NUDT3: variants seen among roughly 807,000 people sequenced by gnomAD.
NUDT3 encodes diphosphoinositol polyphosphate phosphohydrolase 1.
NUDT3 carries 9 observed loss-of-function variants against 23.6 expected under a neutral mutation model. The ratio of observed to expected loss-of-function variants is 0.38; its 90% confidence interval spans 0.23 to 0.66. The LOEUF is 0.66. Among genes scored for constraint, NUDT3 ranks in the 30% least tolerant of loss-of-function variants. NUDT3 has a pLI of 0.52. For synonymous variants in NUDT3, 86 were observed against 82.6 expected (o/e 1.04, Z -0.22); for missense variants, 172 against 218.5 (o/e 0.79, Z 1.34).
intron 1 of NUDT3, among the ~76,000 whole-genome samples, chr6:34,363,779 T>C (rs1272641005): frequency 6.6e-6 from 1 of 150,800 alleles, no homozygotes; most frequent in African/African-American, 2.4e-5. Context: ...TTTCTTTTTC[T>C]TCTTTTTTTT....
In NUDT3 at chr6:34,378,396, G is replaced by A. The variant is rs1189717430; in HGVS notation, c.99+13868C>T. Among the ~76,000 whole-genome samples, 6 of 152,136 alleles carry A rather than the reference G, an allele frequency of 3.9e-5. No individual in the cohort carries two copies. In the East Asian group the frequency reaches 1.2e-3, roughly 29 times the overall value. On this transcript the variant is annotated intron_variant, in intron 1 of 4. Coordinates refer to ENST00000607016, the MANE Select transcript of NUDT3 (RefSeq NM_006703.4). Reference sequence around the variant, plus strand: ...AAAACTTCTGACTCAACATGTATACGTTTCTTCTGGTGCACTGGATTAGTT... The same window carrying A: ...AAAACTTCTGACTCAACATGTATACATTTCTTCTGGTGCACTGGATTAGTT...
chr6:34,300,907 T>C (rs3798554), intron 2 of NUDT3, among the ~76,000 whole-genome samples: 18,150 of 152,262 alleles, frequency 0.12, 1,152 homozygotes, highest in Middle Eastern at 0.14. Flanking sequence ...TGGTGTTTAT[T>C]ATTCTCTTGC....
At chr6:34,297,374 G>A (rs1431318036) in intron 2 of NUDT3, among the ~76,000 whole-genome samples, 1 of 151,926 alleles carries the variant, frequency 6.6e-6, no homozygotes, top group Non-Finnish European at 1.5e-5. Flanking sequence ...AAGCTGCCAG[G>A]CCAGCCTGGG....
chr6:34,382,746 G>A (rs1025569661), intron 1 of NUDT3, among the ~76,000 whole-genome samples: 9 of 151,818 alleles, frequency 5.9e-5, no homozygotes, highest in South Asian at 2.1e-4. Flanking sequence ...AAGGAGGATC[G>A]CTTGAGCTCA....
chr6:34,288,638 C>A lies in NUDT3; in HGVS notation c.*115G>T, dbSNP rs528958960. The A allele has an allele frequency of 2.2e-5, 30 of 1,379,390 alleles. No individual in the cohort carries two copies. The African/African-American group carries it at 2.3e-4, about 11-fold the overall frequency. The allele number at this position is 1,379,390 out of a possible 1,614,324, so 85.4% of individuals were successfully genotyped here. A position where few individuals can be genotyped will look rare whatever the true frequency, so the allele number is the denominator to read the frequency against. On this transcript the variant is annotated 3_prime_UTR_variant, in exon 5 of 5. Coordinates refer to ENST00000607016, the MANE Select transcript of NUDT3 (RefSeq NM_006703.4). Reference sequence around the variant, plus strand: ...CAATACACCCTTTCTTTGCTGCCCACCATGCCTTATTTGAAAGAGGAGGCC... The same window carrying A: ...CAATACACCCTTTCTTTGCTGCCCAACATGCCTTATTTGAAAGAGGAGGCC...
intron 2 of NUDT3, among the ~76,000 whole-genome samples, chr6:34,319,947 A>C (rs1456487316): frequency 6.6e-6 from 1 of 152,134 alleles, no homozygotes; most frequent in African/African-American, 2.4e-5. Context: ...AAGACTGTTA[A>C]CTCCAAAAGG....
At chr6:34,293,820 T>C (rs1763459521) in intron 3 of NUDT3, among the ~76,000 whole-genome samples, 1 of 152,028 alleles carries the variant, frequency 6.6e-6, no homozygotes, top group South Asian at 2.1e-4. Flanking sequence ...GAAAAAGGCA[T>C]CATGTAAATT....
intron 2 of NUDT3, among the ~76,000 whole-genome samples, chr6:34,313,718 T>G (rs1209164805): frequency 6.6e-6 from 1 of 151,342 alleles, no homozygotes; most frequent in African/African-American, 2.4e-5. Flanking sequence ...ATTCCAACAC[T>G]TTGGGAGGCT....
chr6:34,294,913 C>T (rs1379966821), intron 3 of NUDT3, among the ~76,000 whole-genome samples: 1 of 152,098 alleles, frequency 6.6e-6, no homozygotes, highest in Non-Finnish European at 1.5e-5. Flanking sequence ...AGGTGTGAGC[C>T]ACCACGCCCA....
intron 1 of NUDT3, among the ~76,000 whole-genome samples, chr6:34,390,273 G>A (rs762480110): frequency 9.9e-5 from 15 of 151,374 alleles, no homozygotes; most frequent in African/African-American, 3.1e-4. Flanking sequence ...CAGCCTGGGC[G>A]ACATAGCAAG....
intron 1 of NUDT3, among the ~76,000 whole-genome samples, chr6:34,378,495 T>G (rs568251529): frequency 6.6e-6 from 1 of 152,222 alleles, no homozygotes; most frequent in Non-Finnish European, 1.5e-5. Flanking sequence ...AAAGCCTGGC[T>G]GTCTGAAGCC....
intron 1 of NUDT3, among the ~76,000 whole-genome samples, chr6:34,391,048 T>C (rs907576386): frequency 6.6e-6 from 1 of 152,170 alleles, no homozygotes; most frequent in Non-Finnish European, 1.5e-5. Context: ...GGAGCACACA[T>C]GGGATCCCTT....
At chr6:34,362,674 T>G (rs1045680722) in intron 1 of NUDT3, among the ~76,000 whole-genome samples, 1 of 152,052 alleles carries the variant, frequency 6.6e-6, no homozygotes, top group East Asian at 1.9e-4. Context: ...CAGGCTGGTC[T>G]CAAACTCCTG....
intron 1 of NUDT3, among the ~76,000 whole-genome samples, chr6:34,357,884 T>A (rs902269188): frequency 3.9e-5 from 6 of 152,188 alleles, no homozygotes; most frequent in African/African-American, 1.4e-4. Flanking sequence ...AGTCCAAGAT[T>A]ACAATGAAAT....
Position 34,293,654 on chromosome 6 carries a change from T to C in NUDT3, c.256-119A>G, listed in dbSNP as rs140005617. On this transcript the variant is annotated intron_variant, in intron 3 of 4. Coordinates refer to ENST00000607016, the MANE Select transcript of NUDT3 (RefSeq NM_006703.4). ...CTCAGACACAAAGATTCTAAACTTTTACTTTTTATGGTCCTACAGTTATAG... is the reference window on the plus strand; with the variant it reads ...CTCAGACACAAAGATTCTAAACTTTCACTTTTTATGGTCCTACAGTTATAG... 5.5e-3 allele frequency: 6,504 copies of C among 1,182,162 alleles called. 34 individuals are homozygous for C. The highest frequency in any genetic ancestry group is 6.4e-3 in the Non-Finnish European group (5,376 of 841,604). 73.2% of individuals were successfully genotyped at this position (1,182,162 alleles called of 1,614,324 possible).
intron 1 of NUDT3, among the ~76,000 whole-genome samples, chr6:34,380,077 T>C (rs1424725842): frequency 6.6e-6 from 1 of 151,860 alleles, no homozygotes; most frequent in African/African-American, 2.4e-5. Flanking sequence ...AATTTTTATC[T>C]ATTTATTTAT....
chr6:34,367,337 C>G (rs914995285), intron 1 of NUDT3, among the ~76,000 whole-genome samples: 1 of 151,866 alleles, frequency 6.6e-6, no homozygotes, highest in Non-Finnish European at 1.5e-5. Flanking sequence ...CAAAAATTAG[C>G]CGGGTGTGGT....
At chr6:34,313,629 T>C (rs1763809167) in intron 2 of NUDT3, among the ~76,000 whole-genome samples, 1 of 151,924 alleles carries the variant, frequency 6.6e-6, no homozygotes, top group Non-Finnish European at 1.5e-5. Flanking sequence ...TCTGTGTGGT[T>C]TGCACTCAAT....
chr6:34,303,948 C>T (rs1230709128), intron 2 of NUDT3, among the ~76,000 whole-genome samples: 1 of 152,024 alleles, frequency 6.6e-6, no homozygotes, highest in Non-Finnish European at 1.5e-5. Context: ...ACTATCTGGC[C>T]CTTTATAGAA....
Sources: allele counts gnomAD v4.1 joint callset (sites outside exome capture counted in the v4.1 genomes callset), GRCh38; gene constraint gnomAD v4.1.1; transcripts MANE v1.5; gene names NCBI Gene and HGNC (gene_info 2026-07-23, HGNC 2026-07-21).